Variants in MALRD1 observed in about 807,000 individuals in gnomAD.
The protein encoded by MALRD1 is MAM and LDL receptor class A domain containing 1, also known as MAM and LDL-receptor class A domain-containing protein 1.
A neutral mutation model predicts 242.1 loss-of-function variants in MALRD1; 247 were observed. The ratio of observed to expected loss-of-function variants is 1.02; its 90% CI spans 0.92 to 1.13. The LOEUF is 1.13. Ranked by LOEUF, MALRD1 falls within the 50% of genes most tolerant of loss-of-function variation. The pLI is 0.00. For missense variants in MALRD1, 2,989 were observed against 2,533.1 expected (o/e 1.18, Z -3.86); for synonymous variants, 995 against 866.6 (o/e 1.15, Z -2.60).
chr10:19,238,307 A>G (rs1384454187), intron 18 of MALRD1, among the ~76,000 whole-genome samples: 1 of 83,690 alleles, frequency 1.2e-5, no homozygotes, highest in African/African-American at 5.0e-5. Flanking sequence ...TATATATAAT[A>G]TGTAATATAC....
Position 19,467,247 on chromosome 10 carries a change from CAG to C in MALRD1, c.5029+16758_5029+16759del, listed in dbSNP as rs755506409. On this transcript the variant is annotated intron_variant, in intron 29 of 39. Coordinates refer to ENST00000454679, the MANE Select transcript of MALRD1 (RefSeq NM_001142308.3). ...GTGGGCGCCTGTAGTCTCAGCTACT[CAG>C]GAGGCTGAGGCAGGAGAATGGCGTG... Among the ~76,000 whole-genome samples the C allele has an allele frequency of 5.9e-4, 89 of 150,844 alleles. 1 individual carries two copies. The highest frequency in any genetic ancestry group is 1.0e-3 in the Non-Finnish European group (71 of 67,660).
At chr10:19,444,651 C>T (rs1371236916) in intron 28 of MALRD1, among the ~76,000 whole-genome samples, 1 of 152,176 alleles carries the variant, frequency 6.6e-6, no homozygotes, top group Non-Finnish European at 1.5e-5. Flanking sequence ...TCTCTTCTGG[C>T]TTGTAGACTT....
At chr10:19,426,021 A>T (rs1209695667) in intron 28 of MALRD1, among the ~76,000 whole-genome samples, 1 of 152,150 alleles carries the variant, frequency 6.6e-6, no homozygotes, top group Non-Finnish European at 1.5e-5. Flanking sequence ...AAGATGAGGG[A>T]TGCTATTGTT....
chr10:19,402,086 G>T (rs1394239537), intron 28 of MALRD1, among the ~76,000 whole-genome samples: 3 of 152,130 alleles, frequency 2.0e-5, no homozygotes, highest in Admixed American at 1.3e-4. Flanking sequence ...GGGCAATATT[G>T]GCCCCTCTTA....
chr10:19,667,852 C>T (rs917517786), intron 36 of MALRD1, among the ~76,000 whole-genome samples: 7 of 152,064 alleles, frequency 4.6e-5, no homozygotes, highest in African/African-American at 1.7e-4. Context: ...GAAGGGGTAA[C>T]TTATAAACAA....
chr10:19,719,284 A>G (rs1249432795), intron 38 of MALRD1, among the ~76,000 whole-genome samples: 2 of 139,680 alleles, frequency 1.4e-5, no homozygotes, highest in African/African-American at 5.3e-5. Context: ...TTCTAAAGGG[A>G]CTTTCCTGCT....
At chr10:19,147,923 A>C (rs1833780820) in intron 11 of MALRD1, among the ~76,000 whole-genome samples, 1 of 152,122 alleles carries the variant, frequency 6.6e-6, no homozygotes, top group Non-Finnish European at 1.5e-5. Context: ...GAAAGATGGG[A>C]GTAGTTAGGG....
intron 23 of MALRD1, among the ~76,000 whole-genome samples, chr10:19,327,990 C>T (rs1023648053): frequency 3.9e-5 from 6 of 152,100 alleles, no homozygotes; most frequent in African/African-American, 1.4e-4. Flanking sequence ...ATTCTCAGAG[C>T]TTGTACAGCA....
intron 29 of MALRD1, among the ~76,000 whole-genome samples, chr10:19,452,404 G>GT (rs1374572696): frequency 1.3e-5 from 2 of 152,100 alleles, no homozygotes; most frequent in African/African-American, 4.8e-5. Context: ...AATATCTTAC[G>GT]TTTAGTGATC....
At chr10:19,373,203 C>CAAAAAAAAAAAT in intron 26 of MALRD1, among the ~76,000 whole-genome samples, 1 of 114,886 alleles carries the variant, frequency 8.7e-6, no homozygotes, top group Non-Finnish European at 1.8e-5. Context: ...ACGCTAAATA[C>CAAAAAAAAAAAT]AAAAAAAAAA....
intron 19 of MALRD1, among the ~76,000 whole-genome samples, chr10:19,258,671 T>C (rs1275658780): frequency 1.3e-5 from 2 of 152,158 alleles, no homozygotes; most frequent in African/African-American, 4.8e-5. Flanking sequence ...ACAGCTCTGA[T>C]CCTACCCACC....
chr10:19,512,445 A>C (rs1021301048), intron 31 of MALRD1, among the ~76,000 whole-genome samples: 2 of 152,204 alleles, frequency 1.3e-5, no homozygotes, highest in African/African-American at 4.8e-5. Flanking sequence ...AGTTTTGCAT[A>C]ATGCCATTGT....
intron 9 of MALRD1, 149 bp downstream of exon 9, chr10:19,134,097 T>C: frequency 2.6e-6 from 1 of 391,090 alleles, no homozygotes; most frequent in East Asian, 3.8e-5. Context: ...GCTTACTTTT[T>C]AAATTGTACC....
chr10:19,514,196 G>A (rs1833530065), intron 31 of MALRD1, among the ~76,000 whole-genome samples: 2 of 152,086 alleles, frequency 1.3e-5, no homozygotes, highest in Admixed American at 1.3e-4. Flanking sequence ...TTTTGTTTTT[G>A]CAACATAAAA....
intron 33 of MALRD1, among the ~76,000 whole-genome samples, chr10:19,594,352 G>A (rs1837966007): frequency 6.6e-6 from 1 of 152,176 alleles, no homozygotes; most frequent in South Asian, 2.1e-4. Context: ...AGTTGGTGCG[G>A]ATGTGGTGAA....
At chr10:19,265,355 G>A (rs1005106746) in intron 19 of MALRD1, among the ~76,000 whole-genome samples, 1 of 151,378 alleles carries the variant, frequency 6.6e-6, no homozygotes, top group Non-Finnish European at 1.5e-5. Flanking sequence ...TTATTTTTTA[G>A]GTATTCGGTA....
intron 2 of MALRD1, among the ~76,000 whole-genome samples, chr10:19,086,810 G>T (rs755580309): frequency 6.6e-6 from 1 of 152,048 alleles, no homozygotes; most frequent in Non-Finnish European, 1.5e-5. Context: ...GTATTTTAGG[G>T]TTCAGGATGG....
At chr10:19,524,841 C>T (rs1295807674) in intron 31 of MALRD1, among the ~76,000 whole-genome samples, 4 of 151,998 alleles carry the variant, frequency 2.6e-5, no homozygotes, top group Non-Finnish European at 5.9e-5. Flanking sequence ...TATGATTCTT[C>T]TTAGGGCACT....
intron 26 of MALRD1, among the ~76,000 whole-genome samples, chr10:19,370,339 T>C (rs1425355022): frequency 6.6e-6 from 1 of 152,136 alleles, no homozygotes; most frequent in Non-Finnish European, 1.5e-5. Context: ...TATATTGACT[T>C]TTCCTATCCA....
Sources: allele counts gnomAD v4.1 joint callset (sites outside exome capture counted in the v4.1 genomes callset), GRCh38; gene constraint gnomAD v4.1.1; transcripts MANE v1.5; gene names NCBI Gene and HGNC (gene_info 2026-07-23, HGNC 2026-07-21).